SYNE2: variants seen among roughly 807,000 people sequenced by gnomAD.
The protein encoded by SYNE2 is spectrin repeat containing nuclear envelope protein 2, also known as nesprin-2.
A neutral mutation model predicts 856.3 loss-of-function variants in SYNE2; 431 were observed. The observed-to-expected ratio is 0.50, with a 90% CI of 0.47 to 0.55. SYNE2 has a LOEUF of 0.55. SYNE2 is among the 20% of genes least tolerant of loss of function. The pLI is 0.00. For missense variants in SYNE2, 8,129 were observed against 8,023.2 expected (o/e 1.01, Z -0.50); for synonymous variants, 2,923 against 2,872.3 (o/e 1.02, Z -0.56).
chr14:63,845,571 A>G (rs1466454344), intron 1 of SYNE2, among the ~76,000 whole-genome samples: 1 of 152,004 alleles, frequency 6.6e-6, no homozygotes, highest in Non-Finnish European at 1.5e-5. Context: ...TCCTCAAATA[A>G]TTGGCATGGT....
At chr14:63,976,538 TTC>T (rs1362115402) in intron 11 of SYNE2, 23 bp from the exon 12 acceptor site, 10 of 1,543,164 alleles carry the variant, frequency 6.5e-6, no homozygotes, top group East Asian at 2.3e-5. Flanking sequence ...GAAGAATATG[TTC>T]TTTTTTTTTT....
intron 45 of SYNE2, among the ~76,000 whole-genome samples, chr14:64,043,048 A>G (rs2097160401): frequency 6.6e-6 from 1 of 152,204 alleles, no homozygotes; most frequent in Non-Finnish European, 1.5e-5. Flanking sequence ...GTAGTTTCAG[A>G]TGGAGATGAG....
intron 11 of SYNE2, among the ~76,000 whole-genome samples, chr14:63,974,001 A>G (rs2096505881): frequency 6.6e-6 from 1 of 152,166 alleles, no homozygotes; most frequent in African/African-American, 2.4e-5. Flanking sequence ...AGGCCAAGGC[A>G]GGAGGATTGC....
Position 64,137,627 on chromosome 14 carries a change from A to G in SYNE2, c.14647-160A>G, listed in dbSNP as rs191620921. Among the ~76,000 whole-genome samples, 33 of 152,364 alleles carry G rather than the reference A, an allele frequency of 2.2e-4. 3 individuals carry two copies. Among genetic ancestry groups the G allele is most frequent in the East Asian group, 1.3e-3 (7 of 5,194 alleles). ...TATCATGAAAGGTAACCAATAAACCATTAATCATGCATCCAGTCAGACTAT... is the reference window on the plus strand; with the variant it reads ...TATCATGAAAGGTAACCAATAAACCGTTAATCATGCATCCAGTCAGACTAT... On this transcript the variant is annotated intron_variant, in intron 78 of 115. Coordinates refer to ENST00000555002, the MANE Select transcript of SYNE2 (RefSeq NM_182914.3).
chr14:64,030,965 A>T, intron 44 of SYNE2, 51 bp from the exon 45 acceptor site: 1 of 1,350,558 alleles, frequency 7.4e-7, no homozygotes, highest in African/African-American at 1.4e-5. Context: ...AAAGTCAATT[A>T]ACTTTTGTGG....
rs551235828 is a variant in SYNE2, at chr14:63,953,531, T to G, written c.591-1188T>G. On this transcript the variant is annotated intron_variant, in intron 7 of 115. Coordinates refer to ENST00000555002, the MANE Select transcript of SYNE2 (RefSeq NM_182914.3). ...TGATGTTGATTGATAAATAGATAGA[T>G]AGAGAGAGAGAGAGATAGATAGATA... Among the ~76,000 whole-genome samples, 202 of 148,878 alleles carry G rather than the reference T, an allele frequency of 1.4e-3. 2 individuals carry two copies. In the East Asian group the frequency reaches 0.032, roughly 23 times the overall value.
chr14:64,221,421 C>A, intron 111 of SYNE2, 155 bp from the exon 112 acceptor site: 1 of 1,345,676 alleles, frequency 7.4e-7, no homozygotes, highest in Non-Finnish European at 1.0e-6. Flanking sequence ...CATTTTGGGG[C>A]CCTGGCATTT....
intron 37 of SYNE2, 24 bp from the exon 38 acceptor site, chr14:64,022,727 A>G: frequency 8.1e-7 from 1 of 1,236,028 alleles, no homozygotes; most frequent in Non-Finnish European, 1.2e-6. Context: ...TTGAATGAAT[A>G]GAGCTTTTTT....
At chr14:63,868,898 C>T (rs1475675904) in intron 1 of SYNE2, among the ~76,000 whole-genome samples, 2 of 152,208 alleles carry the variant, frequency 1.3e-5, no homozygotes, top group Non-Finnish European at 2.9e-5. Context: ...GAGCAACATT[C>T]TCTCTGCCCC....
In SYNE2 at chr14:64,224,400, T is replaced by C. The variant is rs2098708877; in HGVS notation, c.20383-61T>C. 5 of 1,258,274 alleles carry C rather than the reference T, an allele frequency of 4.0e-6. 1 individual carries two copies. Among genetic ancestry groups the C allele is most frequent in the Middle Eastern group, 2.4e-4 (1 of 4,200 alleles). 77.9% of individuals were successfully genotyped at this position (1,258,274 alleles called of 1,614,324 possible). ...ATTTAAGGTAGGGGAGGGTGAGCTA[T>C]ATCATGAAGAATATGCATGAAACAC... is the stretch of plus-strand genomic sequence containing the variant. On this transcript the variant is annotated intron_variant, in intron 113 of 115. Transcript: ENST00000555002.
chr14:64,105,779 C>T (rs2097767117), intron 64 of SYNE2, among the ~76,000 whole-genome samples: 1 of 127,282 alleles, frequency 7.9e-6, no homozygotes, highest in African/African-American at 4.6e-5. Flanking sequence ...TTATACCAGG[C>T]TAGGTGCAGT....
At chr14:63,771,716 G>C (rs1034383965) in intron 1 of SYNE2, among the ~76,000 whole-genome samples, 7 of 151,998 alleles carry the variant, frequency 4.6e-5, no homozygotes. Flanking sequence ...TGGCCAACAG[G>C]GTGAAACCCT....
chr14:63,932,898 T>C (rs1235524262), intron 2 of SYNE2, among the ~76,000 whole-genome samples: 1 of 152,184 alleles, frequency 6.6e-6, no homozygotes. Context: ...ATTGTAGCTA[T>C]CCTAGTTTAG....
In SYNE2 at chr14:64,053,539, T is replaced by C; in HGVS notation, c.9626T>C (p.Val3209Ala). 6.2e-7 allele frequency: 1 copy of C among 1,614,268 alleles called. No homozygotes were observed. The highest frequency in any genetic ancestry group is 8.5e-7 in the Non-Finnish European group (1 of 1,180,052). ...VWAEMCSIKA[V>A]TAIEKQREEN... ...GCAGAAATGTGTAGTATTAAAGCTG[T>C]GACTGCTATTGAGAAACAAAGAGAA... Residue 3209 changes from valine to alanine, a missense_variant, in exon 48 of 116, where the codon GTG becomes GCG. Physicochemically the swap from Val to Ala is moderately conservative, Grantham distance 64. Around this residue, in one of 3 missense-constraint regions of SYNE2, gnomAD observed 5,410 missense variants for 5,284.8 expected, o/e 1.02. Coordinates refer to ENST00000555002, the MANE Select transcript of SYNE2 (RefSeq NM_182914.3).
chr14:64,045,401 T>A (rs1283101133), intron 45 of SYNE2, among the ~76,000 whole-genome samples: 2 of 148,954 alleles, frequency 1.3e-5, no homozygotes, highest in African/African-American at 4.9e-5. Flanking sequence ...AGGTCCAGTG[T>A]CTAGGCCTTC....
rs1055990597 is a variant in SYNE2 at position 64,167,270 on chromosome 14, T to G, written c.16643T>G (p.Ile5548Ser). 3 of 1,614,224 alleles carry G rather than the reference T, an allele frequency of 1.9e-6. No homozygotes were observed. The East Asian group carries it at 6.7e-5, about 36-fold the overall frequency. The change falls in exon 91 of 116, where the codon ATT (isoleucine) becomes AGT (serine). Residue 5548 changes from isoleucine to serine, a missense_variant. This residue lies in a region of SYNE2 where 5,410 missense variants were observed against 5,284.8 expected (regional missense o/e 1.02). Transcript: ENST00000555002. ...VLALTAQSPD[I>S]EHLNEVSLKL... ...GCACTGACAGCCCAATCACCTGATA[T>G]TGAACATTTGAATGAAGTGAGCCTC...
Position 63,950,180 on chromosome 14 carries a change from T to G in SYNE2, c.590+174T>G, listed in dbSNP as rs2781426. On this transcript the variant is annotated intron_variant, in intron 7 of 115. Coordinates refer to ENST00000555002, the MANE Select transcript of SYNE2 (RefSeq NM_182914.3). ...AGCTCAGCCACGTTTGGTTTCAAAG[T>G]CTGGAAGGTGGTATCACCTGGGTAA... Among the ~76,000 whole-genome samples, 73,383 of 151,930 alleles carry G rather than the reference T, an allele frequency of 0.48. 18,761 individuals carry two copies. Among genetic ancestry groups the G allele is most frequent in the Non-Finnish European group, 0.56 (37,809 of 67,954 alleles).
chr14:63,961,652 C>A, intron 9 of SYNE2, 27 bp downstream of exon 9: 1 of 1,525,688 alleles, frequency 6.6e-7, no homozygotes, highest in Non-Finnish European at 9.1e-7. Context: ...ATAAATCAAG[C>A]TCATTTTAGT....
At chr14:64,058,759 G>A (rs545502522) in intron 49 of SYNE2, among the ~76,000 whole-genome samples, 5 of 152,322 alleles carry the variant, frequency 3.3e-5, no homozygotes, top group African/African-American at 1.2e-4. Context: ...GGGATTACAA[G>A]TGTGAGCCAC....
Sources: gnomAD v4.1 joint callset for allele counts (sites outside exome capture counted in the v4.1 genomes callset) on GRCh38, gnomAD v4.1.1 for gene constraint, gnomAD v4.1.1 regional missense constraint, MANE v1.5 for transcripts, NCBI Gene and HGNC (gene_info 2026-07-23, HGNC 2026-07-21) for gene names.